ERO1B: variants seen among roughly 807,000 people sequenced by gnomAD.
ERO1B encodes endoplasmic reticulum oxidoreductase 1 beta.
Under a neutral mutation model 75.3 loss-of-function variants are expected in ERO1B, and 49 were observed. The ratio of observed to expected loss-of-function variants is 0.65; its 90% CI spans 0.52 to 0.83. The LOEUF (loss-of-function observed/expected upper bound fraction) is 0.83. Ranked by LOEUF, ERO1B falls within the 40% of genes least tolerant of loss-of-function variation. ERO1B has a pLI of 0.00. For synonymous variants in ERO1B, 191 were observed against 192.9 expected, an observed-to-expected ratio of 0.99 and a Z score of 0.08; for missense variants, 512 against 560.1, an observed-to-expected ratio of 0.91 and a Z score of 0.87.
At chr1:236,258,247 T>C (rs1665211511) in intron 2 of ERO1B, among the ~76,000 whole-genome samples, 1 of 150,506 alleles carries the variant, frequency 6.6e-6, no homozygotes, top group Non-Finnish European at 1.5e-5. Flanking sequence ...TATTATCAAA[T>C]TGTCAAAAGT....
intron 1 of ERO1B, among the ~76,000 whole-genome samples, 165 bp from the exon 2 acceptor site, chr1:236,270,159 T>C (rs565098052): frequency 5.5e-4 from 83 of 152,268 alleles, no homozygotes; most frequent in African/African-American, 1.9e-3. Flanking sequence ...GCCAATGAGA[T>C]AAAAAACAAT....
chr1:236,248,207 A>T (rs1664933133), intron 5 of ERO1B, among the ~76,000 whole-genome samples: 1 of 152,210 alleles, frequency 6.6e-6, no homozygotes, highest in African/African-American at 2.4e-5. Context: ...TCCAATAAAT[A>T]AAAAATGCTC....
chr1:236,238,598 T>C (rs1256007257), intron 6 of ERO1B, among the ~76,000 whole-genome samples: 1 of 151,312 alleles, frequency 6.6e-6, no homozygotes, highest in Non-Finnish European at 1.5e-5. Flanking sequence ...AATTCAGTAT[T>C]TAATTTCTAA....
chr1:236,261,968 CA>C (rs1665303454), intron 2 of ERO1B, among the ~76,000 whole-genome samples: 2 of 142,496 alleles, frequency 1.4e-5, no homozygotes, highest in African/African-American at 5.1e-5. Context: ...AACAAACAAA[CA>C]AAAAAAGAAC....
intron 2 of ERO1B, among the ~76,000 whole-genome samples, chr1:236,256,904 A>G (rs1319608759): frequency 2.6e-5 from 4 of 151,850 alleles, no homozygotes; most frequent in African/African-American, 9.7e-5. Flanking sequence ...TTCAGCAGCT[A>G]TCTCTCTCTT....
At chr1:236,255,573 C>A (rs140738527) in intron 2 of ERO1B, among the ~76,000 whole-genome samples, 72 of 152,154 alleles carry the variant, frequency 4.7e-4, no homozygotes, top group African/African-American at 1.7e-3. Context: ...TAAACAATAT[C>A]TATATTACAG....
intron 12 of ERO1B, among the ~76,000 whole-genome samples, 180 bp from the exon 13 acceptor site, chr1:236,225,319 TA>T (rs1664253351): frequency 1.3e-5 from 2 of 152,188 alleles, no homozygotes. Context: ...CATAAAAGAC[TA>T]AAGCAAGACA....
chr1:236,264,134 G>A (rs1749578), intron 2 of ERO1B, among the ~76,000 whole-genome samples: 48,301 of 151,574 alleles, frequency 0.32, 8,319 homozygotes, highest in East Asian at 0.77. Flanking sequence ...ACAGAGTCTC[G>A]CTGTCACCCA....
chr1:236,236,080 A>G (rs575449122), intron 7 of ERO1B, among the ~76,000 whole-genome samples, 198 bp downstream of exon 7: 1 of 152,226 alleles, frequency 6.6e-6, no homozygotes, highest in Admixed American at 6.5e-5. Context: ...ACCTGCCATC[A>G]TGCCCGGCTA....
chr1:236,229,678 C>T (rs186439668), intron 10 of ERO1B, among the ~76,000 whole-genome samples: 2 of 152,256 alleles, frequency 1.3e-5, no homozygotes, highest in East Asian at 3.9e-4. Context: ...AATCCTACAA[C>T]ATTTCACCTT....
At chr1:236,218,683 A>G in intron 15 of ERO1B, 107 bp from the exon 16 acceptor site, 1 of 988,874 alleles carries the variant, frequency 1.0e-6, no homozygotes, top group Non-Finnish European at 1.3e-6. Flanking sequence ...ACCTAAAATA[A>G]AAAACCTCAA....
At chr1:236,250,603 A>ATATATATATAT (rs1664999155) in intron 4 of ERO1B, among the ~76,000 whole-genome samples, 2 of 66,470 alleles carry the variant, frequency 3.0e-5, no homozygotes, top group Admixed American at 1.7e-4. Context: ...ATATATATAT[A>ATATATATATAT]TATATATATA....
chr1:236,272,463 G>A lies in ERO1B; in HGVS notation c.103-2469C>T, dbSNP rs529429423. 2.0e-4 allele frequency among the ~76,000 whole-genome samples: 30 copies of A among 152,208 alleles called. No individual in the cohort carries two copies. The East Asian group carries it at 4.1e-3, about 21-fold the overall frequency. ...TCCTAAGTGAATTAATGCAAAAGCA[G>A]AAAATCAAATACTGCATGTTCTCAC... On this transcript the variant is annotated intron_variant, in intron 1 of 15. Transcript: ENST00000354619.
chr1:236,228,827 C>T (rs1008940325), intron 10 of ERO1B, among the ~76,000 whole-genome samples: 5 of 152,144 alleles, frequency 3.3e-5, no homozygotes, highest in Admixed American at 6.5e-5. Flanking sequence ...TAAGGGAATG[C>T]TCTTTGGAAC....
At chr1:236,232,928 C>T in intron 8 of ERO1B, 89 bp from the exon 9 acceptor site, 1 of 1,124,896 alleles carries the variant, frequency 8.9e-7, no homozygotes, top group Non-Finnish European at 1.3e-6. Context: ...AACTGTTAAA[C>T]TATTAATTAT....
Position 236,226,442 on chromosome 1 carries a change from C to G in ERO1B, c.879G>C (p.Lys293Asn), listed in dbSNP as rs536066281. The change falls in exon 12 of 16, where the codon AAG becomes AAC. Residue 293 changes from lysine (K) to asparagine (N), a missense_variant. By Grantham distance (94) the Lys-to-Asn change is moderately conservative (BLOSUM62 0). Transcript: ENST00000354619. ...TCTTGAGCCTTCTTGGACCTTCTCC[C>G]TTGGTTTCCACAGGGTCAAAGCGGT... ...FKHRFDPVET[K>N]GEGPRRLKNL... 35 of 1,614,092 alleles carry G rather than the reference C, an allele frequency of 2.2e-5. No individual in the cohort carries two copies. The South Asian group carries it at 3.8e-4, about 18-fold the overall frequency.
chr1:236,268,693 T>C (rs879849983), intron 2 of ERO1B, among the ~76,000 whole-genome samples: 63 of 151,576 alleles, frequency 4.2e-4, no homozygotes, highest in Middle Eastern at 3.4e-3. Context: ...AAGACCATCC[T>C]GGCTAACATG....
intron 1 of ERO1B, among the ~76,000 whole-genome samples, chr1:236,272,691 T>C (rs1665623821): frequency 6.6e-6 from 1 of 152,248 alleles, no homozygotes; most frequent in Non-Finnish European, 1.5e-5. Flanking sequence ...AGCTCCTCTT[T>C]AATTACATCT....
At chr1:236,235,698 T>A (rs1572038879) in intron 8 of ERO1B, 91 bp downstream of exon 8, 3 of 1,153,568 alleles carry the variant, frequency 2.6e-6, no homozygotes, top group South Asian at 1.4e-5. Flanking sequence ...AAACAAAATA[T>A]AAAAATGAAA....
Sources: allele counts gnomAD v4.1 joint callset (sites outside exome capture counted in the v4.1 genomes callset), GRCh38; gene constraint gnomAD v4.1.1; transcripts MANE v1.5; gene names NCBI Gene and HGNC (gene_info 2026-07-23, HGNC 2026-07-21).